RAB3GAP1: variants seen among roughly 807,000 people sequenced by gnomAD.
RAB3GAP1 encodes the protein RAB3 GTPase activating protein catalytic subunit 1.
Under a neutral mutation model 130.7 loss-of-function variants are expected in RAB3GAP1, and 86 were observed. That is an observed-to-expected ratio of 0.66 (90% CI 0.55 to 0.79). The LOEUF is 0.79. RAB3GAP1 is among the 30% of genes least tolerant of loss of function. The pLI, the probability that RAB3GAP1 is intolerant of heterozygous loss-of-function variation, is 0.00. For synonymous variants in RAB3GAP1, 367 were observed against 401.7 expected, an observed-to-expected ratio of 0.91 and a Z score of 1.03; for missense variants, 1,029 against 1,169.4, an observed-to-expected ratio of 0.88 and a Z score of 1.75.
intron 3 of RAB3GAP1, among the ~76,000 whole-genome samples, chr2:135,073,034 C>A (rs989328090): frequency 6.6e-6 from 1 of 152,106 alleles, no homozygotes; most frequent in African/African-American, 2.4e-5. Context: ...AGGTAGCTTT[C>A]CCGGGAGAAA....
intron 3 of RAB3GAP1, among the ~76,000 whole-genome samples, chr2:135,080,111 C>CAA (rs1412907242): frequency 1.3e-3 from 145 of 116,000 alleles, no homozygotes; most frequent in African/African-American, 5.7e-3. Flanking sequence ...AACGAGACTC[C>CAA]GTCTCAAAAA....
rs897601293 is a variant in RAB3GAP1 at position 135,126,199 on chromosome 2, T to C, written c.849T>C (p.Thr283=). The C allele has an allele frequency of 5.0e-6, 8 of 1,612,946 alleles. No homozygotes were observed. The highest frequency in any genetic ancestry group is 3.3e-4 in the Middle Eastern group (2 of 6,058). The change falls in exon 10 of 24, where the codon ACT becomes ACC. Residue 283 remains threonine (T), a synonymous_variant. Transcript: ENST00000264158. ...EDPISELHLA[T]TWPHLTEGII... ...TTTTTAGTGAACTCCATTTAGCTAC[T>C]ACATGGCCTCATCTGACCGAAGGGA... is the stretch of plus-strand genomic sequence containing the variant.
In RAB3GAP1 at chr2:135,120,833, TC is replaced by T; in HGVS notation, c.665del (p.Pro222HisfsTer30). ...GTATTTCCTAGGGATGTCCTTTAACTCCATTGCCTCCAGTTAGTATTGCTAT... is the reference window on the plus strand; with the variant it reads ...GTATTTCCTAGGGATGTCCTTTAACTCATTGCCTCCAGTTAGTATTGCTAT... ...FKSKIGCPLT[P>X]LPPVSIAIRF... On this transcript the variant is annotated frameshift_variant, in exon 8 of 24. Transcript: ENST00000264158. LOFTEE classifies it high-confidence loss of function. 1 of 1,609,548 alleles carries T rather than the reference TC, an allele frequency of 6.2e-7. No homozygotes were observed. The highest frequency in any genetic ancestry group is 1.7e-4 in the Middle Eastern group (1 of 6,052).
intron 3 of RAB3GAP1, among the ~76,000 whole-genome samples, chr2:135,070,223 C>G (rs373084918): frequency 1.3e-5 from 2 of 152,186 alleles, no homozygotes; most frequent in East Asian, 3.9e-4. Flanking sequence ...CAGAACACCC[C>G]CCAAGGCAAC....
At chr2:135,108,746 A>T (rs774926580) in intron 5 of RAB3GAP1, among the ~76,000 whole-genome samples, 2 of 152,186 alleles carry the variant, frequency 1.3e-5, no homozygotes, top group African/African-American at 4.8e-5. Flanking sequence ...TTGGTGTTGC[A>T]TCTAAAAGGT....
At chr2:135,136,904 GTAAC>G (rs977918561) in intron 17 of RAB3GAP1, 14 of 244,182 alleles carry the variant, frequency 5.7e-5, no homozygotes, top group Non-Finnish European at 3.2e-5. Context: ...GTATAAGAAA[GTAAC>G]AAACACCTCA....
At chr2:135,175,415 G>A (rs1692980672), downstream of RAB3GAP1, 1 of 152,252 alleles carries the variant, frequency 6.6e-6, no homozygotes, top group South Asian at 2.1e-4. Flanking sequence ...CCAGGTGTGT[G>A]GAAGCTGCTG....
chr2:135,060,737 G>C (rs1487736783), intron 3 of RAB3GAP1, among the ~76,000 whole-genome samples: 3 of 151,804 alleles, frequency 2.0e-5, no homozygotes, highest in Non-Finnish European at 4.4e-5. Flanking sequence ...ACAGAGTCTT[G>C]CTCTGTTGCC....
rs759628971 is a variant in RAB3GAP1 at position 135,126,626 on chromosome 2, C to T, written c.943C>T (p.Arg315Ter). The T allele has an allele frequency of 2.2e-5, 35 of 1,613,094 alleles. No homozygotes were observed. The highest frequency in any genetic ancestry group is 2.9e-5 in the Non-Finnish European group (34 of 1,179,184). The change falls in exon 11 of 24, where the codon CGA becomes TGA. Residue 315 changes from arginine to a stop codon, truncating the protein, a stop_gained. Coordinates refer to ENST00000264158, the MANE Select transcript of RAB3GAP1 (RefSeq NM_012233.3). LOFTEE classifies it high-confidence loss of function. ...AGCTCCACATTGGTCTGTTAGAGTTCGAAAAGCTGAGAATCCTCAGTGTTT... is the reference window on the plus strand; with the variant it reads ...AGCTCCACATTGGTCTGTTAGAGTTTGAAAAGCTGAGAATCCTCAGTGTTT... ...IQAPHWSVRV[R>*]KAENPQCLLG... is the part of the protein sequence containing the mutation.
intron 5 of RAB3GAP1, 35 bp downstream of exon 5, chr2:135,093,728 G>T: frequency 1.3e-6 from 2 of 1,495,322 alleles, no homozygotes; most frequent in South Asian, 1.1e-5. Context: ...CTTTTAGTAT[G>T]TGTGTTGCGG....
Position 135,169,455 on chromosome 2 carries a change from A to G in RAB3GAP1, c.*674A>G, listed in dbSNP as rs890653239. 5.4e-6 allele frequency: 1 copy of G among 184,492 alleles called. No homozygotes were observed. Among genetic ancestry groups the G allele is most frequent in the African/African-American group, 2.4e-5 (1 of 41,816 alleles). 11.4% of individuals were successfully genotyped at this position (184,492 alleles called of 1,614,324 possible). ...TCAAATGTCACTGCAAATTAGTTTTATATCTGTCATGTGAGATTTGTCTTA... is the reference window on the plus strand; with the variant it reads ...TCAAATGTCACTGCAAATTAGTTTTGTATCTGTCATGTGAGATTTGTCTTA... On this transcript the variant is annotated 3_prime_UTR_variant, in exon 24 of 24. Transcript: ENST00000264158.
At chr2:135,162,308 G>T in intron 19 of RAB3GAP1, 5 of 450,376 alleles carry the variant, frequency 1.1e-5, no homozygotes, top group East Asian at 4.0e-5. Context: ...TATTTTCTTT[G>T]TATTTTCCTT....
intron 7 of RAB3GAP1, among the ~76,000 whole-genome samples, chr2:135,117,678 G>GCTT (rs201471272): frequency 5.4e-4 from 53 of 98,342 alleles, no homozygotes; most frequent in African/African-American, 8.4e-4. Flanking sequence ...TGCTTCTTCT[G>GCTT]CTTCTGCTTC....
At chr2:135,081,365 CACACGT>C (rs1280910692) in intron 3 of RAB3GAP1, among the ~76,000 whole-genome samples, 4 of 67,986 alleles carry the variant, frequency 5.9e-5, no homozygotes, top group Non-Finnish European at 2.3e-5. Flanking sequence ...TATATATACA[CACACGT>C]GTGTGTGTGT....
rs370924210 is a variant in RAB3GAP1 at position 135,155,741 on chromosome 2, C to T, written c.2289+1865C>T. 3.9e-5 allele frequency among the ~76,000 whole-genome samples: 6 copies of T among 152,032 alleles called. No homozygotes were observed. In the South Asian group the frequency reaches 1.2e-3, roughly 32 times the overall value. On this transcript the variant is annotated intron_variant, in intron 19 of 23. Transcript: ENST00000264158. ...AAATTGATGAAAGGAACTTTCATAG[C>T]CCTGTATCAGTAAAAACAAAAGGAT...
At chr2:135,139,962 T>C (rs1691789932) in intron 17 of RAB3GAP1, among the ~76,000 whole-genome samples, 1 of 152,242 alleles carries the variant, frequency 6.6e-6, no homozygotes, top group Admixed American at 6.5e-5. Flanking sequence ...CTTACTCTTT[T>C]GTATATAAAT....
chr2:135,126,654 T>TAGGTA lies in RAB3GAP1; in HGVS notation c.973+4_973+8dup. The TAGGTA allele has an allele frequency of 6.2e-7, 1 of 1,607,838 alleles. No homozygotes were observed. The highest frequency in any genetic ancestry group is 8.5e-7 in the Non-Finnish European group (1 of 1,174,330). On this transcript the variant is annotated frameshift_variant and splice_region_variant, in exon 11 of 24. Transcript: ENST00000264158. LOFTEE classifies it high-confidence loss of function. Reference sequence around the variant, plus strand: ...AAAGCTGAGAATCCTCAGTGTTTGCTAGGTAAGGTATATTATGCTCCTTTC... The same window carrying TAGGTA: ...AAAGCTGAGAATCCTCAGTGTTTGCTAGGTAAGGTAAGGTATATTATGCTCCTTTC...
chr2:135,128,126 G>T (rs1691411895), intron 11 of RAB3GAP1, among the ~76,000 whole-genome samples: 1 of 152,098 alleles, frequency 6.6e-6, no homozygotes, highest in African/African-American at 2.4e-5. Flanking sequence ...TATGCTATTT[G>T]TCAAATGCTG....
chr2:135,057,152 G>A (rs973751786), intron 2 of RAB3GAP1, among the ~76,000 whole-genome samples: 20 of 152,128 alleles, frequency 1.3e-4, no homozygotes, highest in Admixed American at 6.5e-5. Flanking sequence ...TTGACCATTG[G>A]ATTTAAAGAT....
Sources: gnomAD v4.1 joint callset for allele counts (sites outside exome capture counted in the v4.1 genomes callset) on GRCh38, gnomAD v4.1.1 for gene constraint, MANE v1.5 for transcripts, NCBI Gene and HGNC (gene_info 2026-07-23, HGNC 2026-07-21) for gene names.